Variants in PRXL2A observed in about 807,000 individuals in gnomAD.
PRXL2A encodes the protein peroxiredoxin like 2A.
In PRXL2A, 26 loss-of-function variants were observed where a neutral mutation model predicts 25.6. The ratio of observed to expected loss-of-function variants is 1.02; its 90% CI spans 0.74 to 1.41. The LOEUF is 1.41. Ranked by LOEUF, PRXL2A falls within the 40% of genes most tolerant of loss-of-function variation. The probability of loss-of-function intolerance (pLI) is 0.00; values close to 1 mark genes in which losing one functional copy is unlikely to be tolerated. For synonymous variants in PRXL2A, 98 were observed against 102.9 expected (o/e 0.95, Z 0.29); for missense variants, 246 against 273.9 (o/e 0.90, Z 0.72).
rs1845084071 is a variant in PRXL2A, at chr10:80,427,436, A to G, written c.516A>G (p.Gly172=). 3 of 1,614,156 alleles carry G rather than the reference A, an allele frequency of 1.9e-6. No individual in the cohort carries two copies. Among genetic ancestry groups the G allele is most frequent in the Non-Finnish European group, 2.5e-6 (3 of 1,180,028 alleles). ...FFRAWNGGFS[G]NLEGEGFILG... ...GAGCCTGGAACGGAGGCTTCTCTGG[A>G]AACCTGGAAGGAGAAGGCTTCATCC... The change falls in exon 5 of 6, where the codon GGA becomes GGG. Residue 172 remains glycine, a synonymous_variant. Coordinates refer to ENST00000606162, the MANE Select transcript of PRXL2A (RefSeq NM_032333.5).
chr10:80,427,032 A>G (rs914001173), intron 4 of PRXL2A, among the ~76,000 whole-genome samples: 7 of 151,860 alleles, frequency 4.6e-5, no homozygotes, highest in African/African-American at 9.7e-5. Flanking sequence ...AATCCTAGCT[A>G]CTTGGGAGGC....
Position 80,422,492 on chromosome 10 carries a change from G to A in PRXL2A, c.254G>A (p.Cys85Tyr). The change falls in exon 3 of 6, where the codon TGT becomes TAT. Residue 85 changes from cysteine to tyrosine, a missense_variant. Physicochemically the swap from Cys to Tyr is radical, Grantham distance 194 (BLOSUM62 -2). Transcript: ENST00000606162. ...AVIMAVRRPG[C>Y]FLCREEAADL... ...ATTATGGCCGTGCGGAGGCCAGGCT[G>A]TTTCCTCTGTCGAGAGGTGAGTGCA... 1 of 1,613,808 alleles carries A rather than the reference G, an allele frequency of 6.2e-7. No homozygotes were observed. Among genetic ancestry groups the A allele is most frequent in the Non-Finnish European group, 8.5e-7 (1 of 1,179,734 alleles).
intron 1 of PRXL2A, chr10:80,413,827 CT>C (rs1564688164): frequency 1.7e-6 from 2 of 1,181,436 alleles, no homozygotes; most frequent in African/African-American, 1.6e-5. Context: ...CTGCTCACCC[CT>C]GGATATACTT....
At chr10:80,422,367 T>C in intron 2 of PRXL2A, 50 bp from the exon 3 acceptor site, 4 of 1,459,704 alleles carry the variant, frequency 2.7e-6, no homozygotes, top group East Asian at 2.3e-5. Context: ...TGCTTAGTGA[T>C]TGGGGCTGGG....
At chr10:80,418,025 C>CTT (rs746563537) in intron 1 of PRXL2A, among the ~76,000 whole-genome samples, 90 of 142,004 alleles carry the variant, frequency 6.3e-4, no homozygotes, top group African/African-American at 1.4e-3. Context: ...TCTCTTATTC[C>CTT]TTTTTTTTTT....
Position 80,420,476 on chromosome 10 carries a change from C to T in PRXL2A, c.9C>T (p.Phe3=), listed in dbSNP as rs374958188. MS[F]LQDPSFFTMG... ...CTTCTCAATCTCCAGAAATGTCTTT[C>T]CTCCAGGACCCAAGTTTCTTCACCA... Residue 3 remains phenylalanine, a synonymous_variant, in exon 2 of 6, where the codon TTC becomes TTT. Coordinates refer to ENST00000606162, the MANE Select transcript of PRXL2A (RefSeq NM_032333.5). 1.9e-6 allele frequency: 3 copies of T among 1,579,856 alleles called. No individual in the cohort carries two copies. Among genetic ancestry groups the T allele is most frequent in the Non-Finnish European group, 2.6e-6 (3 of 1,160,498 alleles).
At chr10:80,412,618 G>A (rs527417199) in intron 1 of PRXL2A, among the ~76,000 whole-genome samples, 2 of 152,282 alleles carry the variant, frequency 1.3e-5, no homozygotes, top group South Asian at 4.1e-4. Flanking sequence ...ACACATGCAC[G>A]CTATAGAAGA....
intron 5 of PRXL2A, among the ~76,000 whole-genome samples, chr10:80,429,554 CTAGCCTCTCCTGCCCT>C: frequency 6.9e-6 from 1 of 144,912 alleles, no homozygotes; most frequent in Non-Finnish European, 1.5e-5. Flanking sequence ...CGCCCCGCCC[CTAGCCTCTCCTGCCCT>C]GCCCTGCCCC....
intron 5 of PRXL2A, among the ~76,000 whole-genome samples, chr10:80,430,381 C>T (rs931822555): frequency 2.6e-5 from 4 of 152,088 alleles, no homozygotes; most frequent in African/African-American, 9.7e-5. Context: ...GGATTACAGG[C>T]GTGAGCCGCC....
chr10:80,421,819 C>T (rs1471262825), intron 2 of PRXL2A, among the ~76,000 whole-genome samples: 1 of 152,114 alleles, frequency 6.6e-6, no homozygotes, highest in Non-Finnish European at 1.5e-5. Context: ...CAAAGTGGAG[C>T]TACTAGATAT....
chr10:80,409,545 T>C, intron 1 of PRXL2A, among the ~76,000 whole-genome samples: 1 of 152,210 alleles, frequency 6.6e-6, no homozygotes, highest in East Asian at 1.9e-4. Flanking sequence ...AGGTGGTTTT[T>C]CAAAAAGAAA....
chr10:80,420,295 G>T, intron 1 of PRXL2A, 171 bp from the exon 2 acceptor site: 1 of 1,355,416 alleles, frequency 7.4e-7, no homozygotes, highest in East Asian at 2.8e-5. Flanking sequence ...CCCAAGTTCT[G>T]GTGGCAGCAG....
chr10:80,436,027 C>T lies in PRXL2A; in HGVS notation c.*3928C>T, dbSNP rs1564698651. 6.6e-6 allele frequency: 1 copy of T among 151,114 alleles called. No individual in the cohort carries two copies. The highest frequency in any genetic ancestry group is 1.5e-5 in the Non-Finnish European group (1 of 67,950). The allele number at this position is 151,114 out of a possible 1,614,324, so 9.4% of individuals were successfully genotyped here. ...AGCTGGTGGTTCTCAATCTCGGATA[C>T]ACAGTAGAATCACCTGGTGCGGGGG... On this transcript the variant is annotated 3_prime_UTR_variant, in exon 6 of 6. Transcript: ENST00000606162.
In PRXL2A at chr10:80,412,912, A is replaced by G. The variant is rs566861548; in HGVS notation, c.-3+4269A>G. ...GGGATCGCTCTGACTACGGCTTGGA[A>G]AATAAACTATAGAGGACCAGACTAG... On this transcript the variant is annotated intron_variant, in intron 1 of 5. Coordinates refer to ENST00000606162, the MANE Select transcript of PRXL2A (RefSeq NM_032333.5). Among the ~76,000 whole-genome samples, 4 of 152,264 alleles carry G rather than the reference A, an allele frequency of 2.6e-5. No homozygotes were observed. In the South Asian group the frequency reaches 8.3e-4, roughly 32 times the overall value.
intron 1 of PRXL2A, among the ~76,000 whole-genome samples, chr10:80,410,897 T>C (rs544184599): frequency 2.0e-5 from 3 of 152,302 alleles, no homozygotes; most frequent in South Asian, 2.1e-4. Flanking sequence ...CAAGAGGACA[T>C]AATCAGCTAC....
At chr10:80,426,068 G>C in intron 4 of PRXL2A, 62 bp downstream of exon 4, 1 of 1,601,394 alleles carries the variant, frequency 6.2e-7, no homozygotes. Flanking sequence ...CTGTGTGATA[G>C]TCAGGTGGCC....
At chr10:80,417,650 G>A (rs957366429) in intron 1 of PRXL2A, among the ~76,000 whole-genome samples, 6 of 151,826 alleles carry the variant, frequency 4.0e-5, no homozygotes, top group African/African-American at 9.7e-5. Flanking sequence ...TTCTTTTTCC[G>A]CTTCCCAAGT....
intron 5 of PRXL2A, among the ~76,000 whole-genome samples, chr10:80,428,270 G>T (rs1412738465): frequency 6.6e-6 from 1 of 152,242 alleles, no homozygotes; most frequent in African/African-American, 2.4e-5. Context: ...AGTTGTTTGT[G>T]TCAGAGTCTA....
At position 80,425,863 on chromosome 10, in the gene PRXL2A, C is replaced by T. The variant is rs1293826610; in HGVS notation, c.271-3C>T. 2.4e-5 allele frequency: 39 copies of T among 1,614,078 alleles called. No individual in the cohort carries two copies. Among genetic ancestry groups the T allele is most frequent in the Non-Finnish European group, 3.2e-5 (38 of 1,180,026 alleles). On this transcript the variant is annotated splice_region_variant and splice_polypyrimidine_tract_variant and intron_variant, in intron 3 of 5. Transcript: ENST00000606162. Reference sequence around the variant, plus strand: ...TGTCCCTGAACCCTTGTGTCTTCTACAGGAAGCTGCGGATCTGTCCTCCCT... The same window carrying T: ...TGTCCCTGAACCCTTGTGTCTTCTATAGGAAGCTGCGGATCTGTCCTCCCT...
Sources: gnomAD v4.1 joint callset for allele counts (sites outside exome capture counted in the v4.1 genomes callset) on GRCh38, gnomAD v4.1.1 for gene constraint, MANE v1.5 for transcripts, NCBI Gene and HGNC (gene_info 2026-07-23, HGNC 2026-07-21) for gene names.